CRCP: variants seen among roughly 807,000 people sequenced by gnomAD.
CRCP encodes CGRP receptor component, also known as DNA-directed RNA polymerase III subunit RPC9.
CRCP carries 18 observed loss-of-function variants against 18.5 expected under a neutral mutation model. The ratio of observed to expected loss-of-function variants is 0.97; its 90% CI spans 0.67 to 1.44. CRCP has a LOEUF of 1.44. CRCP is among the 40% of genes most tolerant of loss of function. The pLI, the probability that CRCP is intolerant of heterozygous loss-of-function variation, is 0.00. For missense variants in CRCP, 130 were observed against 176.4 expected, an observed-to-expected ratio of 0.74 and a Z score of 1.49; for synonymous variants, 53 against 62.9, an observed-to-expected ratio of 0.84 and a Z score of 0.75.
chr7:66,143,133 C>T (rs935635316), intron 4 of CRCP, among the ~76,000 whole-genome samples: 15 of 152,184 alleles, frequency 9.9e-5, no homozygotes, highest in Non-Finnish European at 4.4e-5. Context: ...TTGACTTTAC[C>T]TGAGGGTGAC....
intron 1 of CRCP, among the ~76,000 whole-genome samples, chr7:66,123,813 G>A (rs1787525849): frequency 6.6e-6 from 1 of 151,052 alleles, no homozygotes; most frequent in Non-Finnish European, 1.5e-5. Context: ...AGCACTTTGG[G>A]AGGCCGAGGC....
chr7:66,131,653 G>A (rs1277785287), intron 3 of CRCP, among the ~76,000 whole-genome samples: 7 of 151,720 alleles, frequency 4.6e-5, no homozygotes, highest in Non-Finnish European at 8.8e-5. Context: ...TAATTCCTCC[G>A]AAATTTTATC....
chr7:66,123,667 G>A (rs1414289764), intron 1 of CRCP, among the ~76,000 whole-genome samples: 1 of 151,492 alleles, frequency 6.6e-6, no homozygotes, highest in African/African-American at 2.4e-5. Flanking sequence ...AGAATCGCTT[G>A]AACTCGGGAA....
In CRCP at chr7:66,152,212, T is replaced by C; in HGVS notation, c.302T>C (p.Val101Ala). 6.2e-7 allele frequency: 1 copy of C among 1,613,978 alleles called. No homozygotes were observed. Among genetic ancestry groups the C allele is most frequent in the South Asian group, 1.1e-5 (1 of 91,076 alleles). Residue 101 changes from valine to alanine, a missense_variant, in exon 6 of 6, where the codon GTG (valine) becomes GCG (alanine). Transcript: ENST00000395326. ...PVTAVEIQLM[V>A]EESEERLTEE... Reference sequence around the variant, plus strand: ...GGATTTTCTTTCCTTCTGCAGATGGTGGAAGAGAGTGAAGAGCGGCTCACG... The same window carrying C: ...GGATTTTCTTTCCTTCTGCAGATGGCGGAAGAGAGTGAAGAGCGGCTCACG...
chr7:66,117,131 A>C (rs940663437), intron 1 of CRCP, among the ~76,000 whole-genome samples: 3 of 151,924 alleles, frequency 2.0e-5, no homozygotes, highest in African/African-American at 7.3e-5. Flanking sequence ...AAAAAAAAAA[A>C]AAAAAACCTG....
At position 66,145,586 on chromosome 7, in the gene CRCP, T is replaced by C. The variant is rs923803739; in HGVS notation, c.297+86T>C. ...GGTGGACAAGCCAGGAACTGCGTTT[T>C]TTTTAAGAGGCTGCCCAACCACTCC... On this transcript the variant is annotated intron_variant, in intron 5 of 5. Coordinates refer to ENST00000395326, the MANE Select transcript of CRCP (RefSeq NM_014478.5). 5 of 1,415,872 alleles carry C rather than the reference T, an allele frequency of 3.5e-6. No individual in the cohort carries two copies. The African/African-American group carries it at 7.0e-5, about 20-fold the overall frequency. The allele number at this position is 1,415,872 out of a possible 1,614,324, so 87.7% of individuals were successfully genotyped here.
At position 66,152,667 on chromosome 7, in the gene CRCP, C is replaced by T. The variant is rs1175179903; in HGVS notation, c.*310C>T. On this transcript the variant is annotated 3_prime_UTR_variant, in exon 6 of 6. Transcript: ENST00000395326. ...GTTGTGGGGAGGTCTCTGTGCACAG[C>T]GGGGAAAATGCTTGTGTCGCCTTTG... The T allele has an allele frequency of 1.4e-5, 4 of 291,552 alleles. No homozygotes were observed. The highest frequency in any genetic ancestry group is 8.2e-5 in the East Asian group (1 of 12,164). 18.1% of individuals were successfully genotyped at this position (291,552 alleles called of 1,614,324 possible). A position where few individuals can be genotyped will look rare whatever the true frequency, so the allele number is the denominator to read the frequency against.
In CRCP at chr7:66,153,966, C is replaced by CGG. The variant is rs35288506; in HGVS notation, c.*1613_*1614dup. Reference sequence around the variant, plus strand: ...ATCCCAGCTACTCGGGAGGCTGAGGCGGGGGAATCGCTTGAACCGGGGAGG... The same window carrying CGG: ...ATCCCAGCTACTCGGGAGGCTGAGGCGGGGGGGAATCGCTTGAACCGGGGAGG... On this transcript the variant is annotated 3_prime_UTR_variant, in exon 6 of 6. Coordinates refer to ENST00000395326, the MANE Select transcript of CRCP (RefSeq NM_014478.5). 6.6e-6 allele frequency: 1 copy of CGG among 151,968 alleles called. No individual in the cohort carries two copies. The highest frequency in any genetic ancestry group is 2.4e-5 in the African/African-American group (1 of 41,376). 9.4% of individuals were successfully genotyped at this position (151,968 alleles called of 1,614,324 possible).
chr7:66,136,743 A>C (rs1787981941), intron 4 of CRCP, among the ~76,000 whole-genome samples: 1 of 152,004 alleles, frequency 6.6e-6, no homozygotes, highest in Admixed American at 6.6e-5. Flanking sequence ...CCTTACATCT[A>C]TAGGTCAGTT....
chr7:66,153,664 C>T lies in CRCP; in HGVS notation c.*1307C>T, dbSNP rs1788533996. On this transcript the variant is annotated 3_prime_UTR_variant, in exon 6 of 6. Transcript: ENST00000395326. Reference sequence around the variant, plus strand: ...CTTATTTTCAATGCTAATTGGATTACTTCTCTTCCAACCCTCCTGCCCGTC... The same window carrying T: ...CTTATTTTCAATGCTAATTGGATTATTTCTCTTCCAACCCTCCTGCCCGTC... 6.6e-6 allele frequency: 1 copy of T among 152,098 alleles called. No homozygotes were observed. Among genetic ancestry groups the T allele is most frequent in the South Asian group, 2.1e-4 (1 of 4,832 alleles). 9.4% of individuals were successfully genotyped at this position (152,098 alleles called of 1,614,324 possible). A position where few individuals can be genotyped will look rare whatever the true frequency, so the allele number is the denominator to read the frequency against.
At chr7:66,123,014 G>A (rs530955650) in intron 1 of CRCP, among the ~76,000 whole-genome samples, 2 of 147,394 alleles carry the variant, frequency 1.4e-5, no homozygotes, top group East Asian at 4.0e-4. Context: ...GAGTGCAGTA[G>A]CCCCATCTCG....
chr7:66,138,924 TTA>T (rs1485328660), intron 4 of CRCP, among the ~76,000 whole-genome samples: 1 of 152,176 alleles, frequency 6.6e-6, no homozygotes, highest in Non-Finnish European at 1.5e-5. Context: ...TTATGTAAAT[TTA>T]TGTTTCTTAC....
chr7:66,135,942 T>A (rs1390226373), intron 4 of CRCP, among the ~76,000 whole-genome samples: 1 of 152,082 alleles, frequency 6.6e-6, no homozygotes, highest in Non-Finnish European at 1.5e-5. Context: ...AAAAATCTTT[T>A]CTTGGAGTCC....
chr7:66,152,136 G>A, intron 5 of CRCP, 72 bp from the exon 6 acceptor site: 1 of 1,568,900 alleles, frequency 6.4e-7, no homozygotes, highest in South Asian at 1.2e-5. Flanking sequence ...GAGACCATGA[G>A]CACAGTGGGC....
chr7:66,144,308 G>A (rs772156489), intron 4 of CRCP, among the ~76,000 whole-genome samples: 3 of 152,288 alleles, frequency 2.0e-5, no homozygotes, highest in Admixed American at 1.3e-4. Context: ...TCTTTCTCCA[G>A]CTGGGTTAAG....
intron 5 of CRCP, 113 bp downstream of exon 5, chr7:66,145,613 T>G: frequency 9.0e-7 from 1 of 1,109,176 alleles, no homozygotes. Flanking sequence ...AACCACTCCA[T>G]TTCTTAAGGA....
At chr7:66,149,747 T>A (rs1788399424) in intron 5 of CRCP, among the ~76,000 whole-genome samples, 1 of 152,062 alleles carries the variant, frequency 6.6e-6, no homozygotes, top group South Asian at 2.1e-4. Flanking sequence ...AATAAAAAAC[T>A]TACTAGCACG....
rs1787572270 is a variant in CRCP at position 66,124,790 on chromosome 7, C to G, written c.9-2914C>G. Among the ~76,000 whole-genome samples, 2 of 128,838 alleles carry G rather than the reference C, an allele frequency of 1.6e-5. 1 individual carries two copies. The highest frequency in any genetic ancestry group is 3.7e-5 in the Non-Finnish European group (2 of 54,548). 84.5% of individuals were successfully genotyped at this position (128,838 alleles called of 152,430 possible). A position where few individuals can be genotyped will look rare whatever the true frequency, so the allele number is the denominator to read the frequency against. On this transcript the variant is annotated intron_variant, in intron 1 of 5. Coordinates refer to ENST00000395326, the MANE Select transcript of CRCP (RefSeq NM_014478.5). ...TAGATAGCAGATCATTTCACCCCTT[C>G]TTGAAAAAGGGCATTCTATGTAGCT...
chr7:66,127,720 G>A lies in CRCP; in HGVS notation c.25G>A (p.Ala9Thr), dbSNP rs1787657446. ...CTTTTTCAGGAAGGATGCCAATTCT[G>A]CGCTTCTCAGTAACTACGAGGTAAA... MEVKDANS[A>T]LLSNYEVFQL... The change falls in exon 2 of 6, where the codon GCG becomes ACG. Residue 9 changes from alanine (A) to threonine (T), a missense_variant. By Grantham distance (58) the Ala-to-Thr change is moderately conservative. Coordinates refer to ENST00000395326, the MANE Select transcript of CRCP (RefSeq NM_014478.5). 1 of 1,614,142 alleles carries A rather than the reference G, an allele frequency of 6.2e-7. No homozygotes were observed. The highest frequency in any genetic ancestry group is 8.5e-7 in the Non-Finnish European group (1 of 1,180,018).
Sources: gnomAD v4.1 joint callset for allele counts (sites outside exome capture counted in the v4.1 genomes callset) on GRCh38, gnomAD v4.1.1 for gene constraint, MANE v1.5 for transcripts, NCBI Gene and HGNC (gene_info 2026-07-23, HGNC 2026-07-21) for gene names.